Variants in INTS5 observed in about 807,000 individuals in gnomAD.
INTS5 encodes the protein KIAA1698.
Under a neutral mutation model 60.0 loss-of-function variants are expected in INTS5, and 29 were observed. That is an observed-to-expected ratio of 0.48 (90% CI 0.36 to 0.66). INTS5 has a LOEUF of 0.66. INTS5 is among the 30% of genes least tolerant of loss of function. The pLI, the probability that INTS5 is intolerant of heterozygous loss-of-function variation, is 0.00. For missense variants in INTS5, 1,129 were observed against 1,307.9 expected (o/e 0.86, Z 2.11); for synonymous variants, 588 against 558.8 (o/e 1.05, Z -0.74).
At chr11:62,650,040 G>T (rs1191145749) in intron 1 of INTS5, 41 bp from the exon 2 acceptor site, 2 of 1,506,576 alleles carry the variant, frequency 1.3e-6, no homozygotes, top group South Asian at 1.1e-5. Flanking sequence ...AGTGTTGTGA[G>T]ATGTTAGGCA....
Position 62,649,127 on chromosome 11 carries a change from T to C in INTS5, c.953A>G (p.His318Arg). Residue 318 changes from histidine (H) to arginine (R), a missense_variant, in exon 2 of 2, where the codon CAT becomes CGT. His to Arg is a conservative substitution (Grantham distance 29). Transcript: ENST00000330574. The surrounding 1 kb of genome is among the most constrained non-coding windows in gnomAD (Gnocchi z 6.0). ...TCCAGATCCCCCTGCCAGGCTATCA[T>C]GGAACATTCGCAGGAGCTCCCGTCG... ...SIRRELLRMF[H>R]DSLAGGSGGR... The C allele has an allele frequency of 3.1e-6, 5 of 1,612,600 alleles. No homozygotes were observed. Among genetic ancestry groups the C allele is most frequent in the South Asian group, 2.2e-5 (2 of 91,050 alleles).
chr11:62,649,296 T>C lies in INTS5; in HGVS notation c.784A>G (p.Ser262Gly), dbSNP rs984397768. 1.9e-6 allele frequency: 3 copies of C among 1,613,946 alleles called. No homozygotes were observed. Among genetic ancestry groups the C allele is most frequent in the African/African-American group, 1.3e-5 (1 of 74,892 alleles). Residue 262 changes from serine (S) to glycine (G), a missense_variant, in exon 2 of 2, where the codon AGT (serine) becomes GGT (glycine). Ser to Gly is a moderately conservative substitution (Grantham distance 56). This residue lies in a region of INTS5 where 1,070 missense variants were observed against 1,246.1 expected (regional missense o/e 0.86). Transcript: ENST00000330574. This position sits in a 1 kb window ranked among gnomAD's most constrained non-coding sequence, Gnocchi z 6.0. ...GTCTGAGAAGAGCTTCCACCACTAC[T>C]GCCAGCTCCACCTCCAGCCCCACCA... ...VHGGAGGGAG[S>G]SGGSSSQTPS...
rs1373604742 is a variant in INTS5 at position 62,647,931 on chromosome 11, A to G, written c.2149T>C (p.Ser717Pro). The G allele has an allele frequency of 1.2e-6, 2 of 1,614,062 alleles. No homozygotes were observed. The highest frequency in any genetic ancestry group is 1.7e-6 in the Non-Finnish European group (2 of 1,180,016). Reference sequence around the variant, plus strand: ...GAAGCCAAAGAAGCTGAAACAACTGAGAGAGTCTCATTGTCCCCATCTACT... The same window carrying G: ...GAAGCCAAAGAAGCTGAAACAACTGGGAGAGTCTCATTGTCCCCATCTACT... ...GQVDGDNETL[S>P]VVSASLASAS... Residue 717 changes from serine to proline, a missense_variant, in exon 2 of 2, where the codon TCA becomes CCA. Ser to Pro is a moderately conservative substitution (Grantham distance 74). Transcript: ENST00000330574.
At position 62,647,743 on chromosome 11, in the gene INTS5, G is replaced by T; in HGVS notation, c.2337C>A (p.Leu779=). 6.2e-7 allele frequency: 1 copy of T among 1,614,212 alleles called. No individual in the cohort carries two copies. The highest frequency in any genetic ancestry group is 8.5e-7 in the Non-Finnish European group (1 of 1,180,042). ...TGCAGCAGTGAACCAGGAGGCTGAG[G>T]AGGCTCTGGGTGTTATAGATCACTT... ...QQEVIYNTQS[L]LSLLVHCCSA... is the part of the protein sequence containing the mutation. The change falls in exon 2 of 2, where the codon CTC becomes CTA. Residue 779 remains leucine (L), a synonymous_variant. Transcript: ENST00000330574.
rs144196458 is a variant in INTS5, at chr11:62,648,603, G to A, written c.1477C>T (p.Arg493Trp). 2.7e-5 allele frequency: 44 copies of A among 1,614,082 alleles called. No individual in the cohort carries two copies. Among genetic ancestry groups the A allele is most frequent in the Non-Finnish European group, 3.4e-5 (40 of 1,180,008 alleles). Residue 493 changes from arginine to tryptophan, a missense_variant, in exon 2 of 2, where the codon CGG becomes TGG. This residue lies in a region of INTS5 where 1,070 missense variants were observed against 1,246.1 expected (regional missense o/e 0.86). Coordinates refer to ENST00000330574, the MANE Select transcript of INTS5 (RefSeq NM_030628.2). The surrounding 1 kb of genome is among the most constrained non-coding windows in gnomAD (Gnocchi z 4.4). ...TGGTGCTGCCAGAGGAAGCGCTTCCGTTCCAATCGTAACGTCTCTCCACAC... is the reference window on the plus strand; with the variant it reads ...TGGTGCTGCCAGAGGAAGCGCTTCCATTCCAATCGTAACGTCTCTCCACAC... The part of the protein sequence containing the change: ...ELCGETLRLE[R>W]KRFLWQHQLL...
rs775806839 is a variant in INTS5 at position 62,647,107 on chromosome 11, G to A, written c.2973C>T (p.Val991=). 8 of 1,614,166 alleles carry A rather than the reference G, an allele frequency of 5.0e-6. No individual in the cohort carries two copies. The highest frequency in any genetic ancestry group is 2.2e-5 in the East Asian group (1 of 44,882). Residue 991 remains valine (V), a synonymous_variant, in exon 2 of 2, where the codon GTC becomes GTT. Coordinates refer to ENST00000330574, the MANE Select transcript of INTS5 (RefSeq NM_030628.2). ...GGPHLAVLHS[V]LHRNIDRLGL... ...CTAGGCGGTCGATGTTGCGGTGGAG[G>A]ACACTGTGCAGCACAGCCAGATGGG... is the stretch of plus-strand genomic sequence containing the variant.
rs1328852215 is a variant in INTS5, at chr11:62,647,797, G to C, written c.2283C>G (p.Pro761=). The C allele has an allele frequency of 6.2e-7, 1 of 1,614,090 alleles. No individual in the cohort carries two copies. The highest frequency in any genetic ancestry group is 1.7e-5 in the Admixed American group (1 of 60,002). The change falls in exon 2 of 2, where the codon CCC becomes CCG. Residue 761 remains proline, a synonymous_variant. Transcript: ENST00000330574. The stretch of plus-strand genomic sequence containing the variant: ...GCTGATTTCGTGACTGGACAAACTT[G>C]GGTGGCTTTAAGCCACGGCCGATGA... ...AGVIGRGLKP[P]KFVQSRNQQE...
Position 62,648,460 on chromosome 11 carries a change from T to A in INTS5, c.1620A>T (p.Ala540=). 6.2e-7 allele frequency: 1 copy of A among 1,614,140 alleles called. No individual in the cohort carries two copies. Among genetic ancestry groups the A allele is most frequent in the East Asian group, 2.2e-5 (1 of 44,874 alleles). Residue 540 remains alanine, a synonymous_variant, in exon 2 of 2, where the codon GCA becomes GCT. Coordinates refer to ENST00000330574, the MANE Select transcript of INTS5 (RefSeq NM_030628.2). The surrounding 1 kb of genome is among the most constrained non-coding windows in gnomAD (Gnocchi z 4.4). ...EELSLATQLY[A]GLVVSLSGLL... ...GGCCAGAGAGGCTGACCACTAGCCC[T>A]GCATATAACTGGGTGGCCAAACTCA...
In INTS5 at chr11:62,648,162, A is replaced by C; in HGVS notation, c.1918T>G (p.Ser640Ala). Residue 640 changes from serine (S) to alanine (A), a missense_variant, in exon 2 of 2, where the codon TCC becomes GCC. Ser to Ala is a moderately conservative substitution (Grantham distance 99). This residue lies in a region of INTS5 where 1,070 missense variants were observed against 1,246.1 expected (regional missense o/e 0.86). Transcript: ENST00000330574. The surrounding 1 kb of genome is among the most constrained non-coding windows in gnomAD (Gnocchi z 4.4). ...ACCAGTCCCAGGAGCTGGGAGGGGG[A>C]TAAGGCTTCAGAAGGAAAGGGACAA... ...AICPFPSEALSPSQLLGLVRA... is the reference protein window; with the variant it reads ...AICPFPSEALAPSQLLGLVRA... The C allele has an allele frequency of 6.2e-7, 1 of 1,613,348 alleles. No individual in the cohort carries two copies. Among genetic ancestry groups the C allele is most frequent in the Non-Finnish European group, 8.5e-7 (1 of 1,179,536 alleles).
At position 62,647,152 on chromosome 11, in the gene INTS5, C is replaced by T. The variant is rs765791646; in HGVS notation, c.2928G>A (p.Glu976=). 1.2e-5 allele frequency: 20 copies of T among 1,614,200 alleles called. No individual in the cohort carries two copies. The highest frequency in any genetic ancestry group is 1.7e-5 in the Non-Finnish European group (20 of 1,180,038). Residue 976 remains glutamate (E), a synonymous_variant, in exon 2 of 2, where the codon GAG becomes GAA. Coordinates refer to ENST00000330574, the MANE Select transcript of INTS5 (RefSeq NM_030628.2). The part of the protein sequence containing the change: ...RGRFIRDFSR[E]GGGEGGPHLA... ...GATGGGGTCCACCCTCACCTCCACC[C>T]TCCCTGGAGAAGTCCCGAATGAAGC...
rs1454488068 is a variant in INTS5, at chr11:62,649,384, G to T, written c.696C>A (p.Ser232=). Residue 232 remains serine, a synonymous_variant, in exon 2 of 2, where the codon TCC becomes TCA. Transcript: ENST00000330574. This position sits in a 1 kb window ranked among gnomAD's most constrained non-coding sequence, Gnocchi z 6.0. The part of the protein sequence containing the change: ...HFDWVVAHIG[S]SFPGTIISRV... ...GGGAAATGATGGTGCCAGGAAAAGA[G>T]GAGCCAATATGTGCCACAACCCAGT... is the stretch of plus-strand genomic sequence containing the variant. The T allele has an allele frequency of 6.2e-7, 1 of 1,614,216 alleles. No homozygotes were observed.
In INTS5 at chr11:62,649,831, C is replaced by T. The variant is rs565093633; in HGVS notation, c.249G>A (p.Glu83=). 8 of 1,614,134 alleles carry T rather than the reference C, an allele frequency of 5.0e-6. No individual in the cohort carries two copies. The highest frequency in any genetic ancestry group is 6.8e-6 in the Non-Finnish European group (8 of 1,179,988). ...GGGCAGCCAGGTGGGCCCGGACACTCTCATCAAAGACACCTCTCAAGTGGT... is the reference window on the plus strand; with the variant it reads ...GGGCAGCCAGGTGGGCCCGGACACTTTCATCAAAGACACCTCTCAAGTGGT... The part of the protein sequence containing the change: ...VLDHLRGVFD[E]SVRAHLAALD... Residue 83 remains glutamate, a synonymous_variant, in exon 2 of 2, where the codon GAG becomes GAA. Transcript: ENST00000330574. The surrounding 1 kb of genome is among the most constrained non-coding windows in gnomAD (Gnocchi z 6.0).
At position 62,653,258 on chromosome 11, in the gene INTS5, C is replaced by A; in HGVS notation, c.-9G>T. The A allele has an allele frequency of 8.1e-7, 1 of 1,241,812 alleles. No individual in the cohort carries two copies. The highest frequency in any genetic ancestry group is 3.2e-5 in the East Asian group (1 of 31,638). The allele number at this position is 1,241,812 out of a possible 1,614,324, so 76.9% of individuals were successfully genotyped here. ...TCGCACAGCGCGGACATCCCGGAGC[C>A]CGAGCCGAGCCCGAGGCGCGAGCGG... is the stretch of plus-strand genomic sequence containing the variant. On this transcript the variant is annotated 5_prime_UTR_variant, in exon 1 of 2. Coordinates refer to ENST00000330574, the MANE Select transcript of INTS5 (RefSeq NM_030628.2).
intron 1 of INTS5, 48 bp downstream of exon 1, chr11:62,653,122 C>T (rs1341692461): frequency 1.8e-6 from 2 of 1,142,152 alleles, no homozygotes; most frequent in Non-Finnish European, 2.2e-6. Context: ...GGCTAGGGAT[C>T]GGCGCGGGGC....
Position 62,648,931 on chromosome 11 carries a change from C to T in INTS5, c.1149G>A (p.Glu383=), listed in dbSNP as rs773507778. The change falls in exon 2 of 2, where the codon GAG becomes GAA. Residue 383 remains glutamate, a synonymous_variant. Coordinates refer to ENST00000330574, the MANE Select transcript of INTS5 (RefSeq NM_030628.2). This position sits in a 1 kb window ranked among gnomAD's most constrained non-coding sequence, Gnocchi z 4.4. ...QQHLQGFPRE[E]LDNMLNLAVH... ...CAGCCAGGTTCAACATGTTGTCCAG[C>T]TCCTCTCGGGGGAATCCTTGAAGGT... 4 of 1,613,000 alleles carry T rather than the reference C, an allele frequency of 2.5e-6. No individual in the cohort carries two copies. The South Asian group carries it at 3.3e-5, about 13-fold the overall frequency.
chr11:62,648,647 T>C lies in INTS5; in HGVS notation c.1433A>G (p.Lys478Arg), dbSNP rs763473410. The C allele has an allele frequency of 1.9e-6, 3 of 1,614,030 alleles. No homozygotes were observed. Among genetic ancestry groups the C allele is most frequent in the South Asian group, 2.2e-5 (2 of 91,086 alleles). ...TCCACACAGCTCTCCAACATGGTTT[T>C]TGAGCGCATCTAAAAAGGGCACCAA... ...PRLVPFLDAL[K>R]NHVGELCGET... Residue 478 changes from lysine (K) to arginine (R), a missense_variant, in exon 2 of 2, where the codon AAA becomes AGA. Lys to Arg is a conservative substitution (Grantham distance 26, BLOSUM62 2). Around this residue, in one of 3 missense-constraint regions of INTS5, gnomAD observed 1,070 missense variants for 1,246.1 expected, o/e 0.86. Transcript: ENST00000330574. This position sits in a 1 kb window ranked among gnomAD's most constrained non-coding sequence, Gnocchi z 4.4.
Position 62,648,875 on chromosome 11 carries a change from C to T in INTS5, c.1205G>A (p.Gly402Asp). 1 of 1,613,896 alleles carries T rather than the reference C, an allele frequency of 6.2e-7. No homozygotes were observed. The highest frequency in any genetic ancestry group is 8.5e-7 in the Non-Finnish European group (1 of 1,180,018). The change falls in exon 2 of 2, where the codon GGT (glycine) becomes GAT (aspartate). Residue 402 changes from glycine to aspartate, a missense_variant. Gly to Asp is a moderately conservative substitution (Grantham distance 94). Around this residue, in one of 3 missense-constraint regions of INTS5, gnomAD observed 1,070 missense variants for 1,246.1 expected, o/e 0.86. Coordinates refer to ENST00000330574, the MANE Select transcript of INTS5 (RefSeq NM_030628.2). The surrounding 1 kb of genome is among the most constrained non-coding windows in gnomAD (Gnocchi z 4.4). The stretch of plus-strand genomic sequence containing the variant: ...CAGGAACTGCAGCAAGCGGTAGGCA[C>T]CTGCCCCAGAGGCCTGGCTCACCAG... ...VHLVSQASGA[G>D]AYRLLQFLVD...
Position 62,649,566 on chromosome 11 carries a change from C to G in INTS5, c.514G>C (p.Ala172Pro). 1 of 1,614,156 alleles carries G rather than the reference C, an allele frequency of 6.2e-7. No individual in the cohort carries two copies. The highest frequency in any genetic ancestry group is 8.5e-7 in the Non-Finnish European group (1 of 1,180,014). ...QHQRVPHATG[A>P]LNELLQLWMG... is the part of the protein sequence containing the mutation. ...CACAGCTGTAGCAGTTCATTAAGAG[C>G]GCCAGTAGCGTGGGGAACACGCTGG... Residue 172 changes from alanine (A) to proline (P), a missense_variant, in exon 2 of 2, where the codon GCT becomes CCT. Transcript: ENST00000330574. The surrounding 1 kb of genome is among the most constrained non-coding windows in gnomAD (Gnocchi z 6.0).
Position 62,649,867 on chromosome 11 carries a change from A to T in INTS5, c.213T>A (p.Ala71=). The change falls in exon 2 of 2, where the codon GCT becomes GCA. Residue 71 remains alanine, a synonymous_variant. Coordinates refer to ENST00000330574, the MANE Select transcript of INTS5 (RefSeq NM_030628.2). This position sits in a 1 kb window ranked among gnomAD's most constrained non-coding sequence, Gnocchi z 6.0. The stretch of plus-strand genomic sequence containing the variant: ...CACCTCTCAAGTGGTCAAGCACAGC[A>T]GCCCGAGCAGGTGGCAAAGAACGGA... ...LLLRSLPPAR[A]AVLDHLRGVF... 6.2e-7 allele frequency: 1 copy of T among 1,614,198 alleles called. No individual in the cohort carries two copies. Among genetic ancestry groups the T allele is most frequent in the African/African-American group, 1.3e-5 (1 of 75,044 alleles).
Sources: allele counts gnomAD v4.1 joint callset, GRCh38; gene constraint gnomAD v4.1.1; regional missense constraint gnomAD v4.1.1; non-coding constraint Gnocchi (gnomAD v3.1); transcripts MANE v1.5; gene names NCBI Gene and HGNC (gene_info 2026-07-23, HGNC 2026-07-21).